The following GC variants were observed in gnomAD, a reference collection of about 807,000 sequenced individuals.
The protein encoded by GC is GC vitamin D binding protein, also known as vitamin D-binding protein.
In GC, 43 loss-of-function variants were observed where a neutral mutation model predicts 56.7. That is an observed-to-expected ratio of 0.76 (90% CI 0.59 to 0.98). GC has a LOEUF of 0.98. Among genes scored for constraint, GC ranks in the 50% least tolerant of loss-of-function variants. The pLI is 0.00. For missense variants in GC, 529 were observed against 545.9 expected, an observed-to-expected ratio of 0.97 and a Z score of 0.31; for synonymous variants, 216 against 202.7, an observed-to-expected ratio of 1.07 and a Z score of -0.56.
chr4:71,770,161 C>A (rs991628267), intron 1 of GC, among the ~76,000 whole-genome samples: 4 of 152,110 alleles, frequency 2.6e-5, no homozygotes, highest in African/African-American at 9.7e-5. Flanking sequence ...CTGATTCAGG[C>A]TGGAGAAATC....
At chr4:71,778,891 G>GTTATTGTTATTAT (rs71213587) in intron 1 of GC, among the ~76,000 whole-genome samples, 1 of 143,318 alleles carries the variant, frequency 7.0e-6, no homozygotes, top group African/African-American at 2.6e-5. Context: ...ATTGCTGTCA[G>GTTATTGTTATTAT]TTATTATTAT....
In GC at chr4:71,760,953, C is replaced by T. The variant is rs564895919; in HGVS notation, c.701+2455G>A. On this transcript the variant is annotated intron_variant, in intron 6 of 12. Transcript: ENST00000273951. Reference sequence around the variant, plus strand: ...TGCCCAGTCTCAGGTATGTCTTTATCAGCAGCATGAAAACAGATTAATACA... The same window carrying T: ...TGCCCAGTCTCAGGTATGTCTTTATTAGCAGCATGAAAACAGATTAATACA... Among the ~76,000 whole-genome samples, 6 of 152,256 alleles carry T rather than the reference C, an allele frequency of 3.9e-5. No homozygotes were observed. The South Asian group carries it at 1.2e-3, about 32-fold the overall frequency.
At chr4:71,755,414 C>T (rs996624916) in intron 8 of GC, among the ~76,000 whole-genome samples, 8 of 152,010 alleles carry the variant, frequency 5.3e-5, no homozygotes, top group East Asian at 1.9e-4. Context: ...TCGCCTGACT[C>T]GGCCTGCCAA....
chr4:71,761,183 G>A (rs1041156802), intron 6 of GC, among the ~76,000 whole-genome samples: 1 of 152,176 alleles, frequency 6.6e-6, no homozygotes. Flanking sequence ...ATAAGGTCCA[G>A]GCTAAGGTGG....
intron 1 of GC, among the ~76,000 whole-genome samples, chr4:71,782,588 GCT>G (rs1742718292): frequency 6.6e-6 from 1 of 151,804 alleles, no homozygotes; most frequent in Non-Finnish European, 1.5e-5. Context: ...ATTGCAGAAT[GCT>G]CTGTTATTCT....
In GC at chr4:71,758,125, C is replaced by T. The variant is rs771823776; in HGVS notation, c.748G>A (p.Asp250Asn). 2 of 1,613,366 alleles carry T rather than the reference C, an allele frequency of 1.2e-6. No individual in the cohort carries two copies. Among genetic ancestry groups the T allele is most frequent in the Non-Finnish European group, 1.7e-6 (2 of 1,179,420 alleles). Residue 250 changes from aspartate to asparagine, a missense_variant, in exon 7 of 13, where the codon GAT becomes AAT. Transcript: ENST00000273951. ...AQKVPTADLE[D>N]VLPLAEDITN... ...ATATCTTCAGCTAGTGGCAAAACAT[C>T]CTCCAGATCAGCAGTAGGCACTTTT...
intron 6 of GC, among the ~76,000 whole-genome samples, 156 bp downstream of exon 6, chr4:71,763,251 AG>A (rs1560697972): frequency 1.3e-5 from 2 of 152,310 alleles, no homozygotes; most frequent in East Asian, 1.9e-4. Flanking sequence ...TATAGAGAAA[AG>A]AAAACGAGAA....
chr4:71,795,504 G>T (rs899278483), intron 1 of GC, among the ~76,000 whole-genome samples: 125 of 152,090 alleles, frequency 8.2e-4, no homozygotes, highest in African/African-American at 2.8e-3. Flanking sequence ...CTTTCCATTT[G>T]CTTGGTAGAT....
chr4:71,753,599 A>T (rs1373258343), intron 10 of GC, among the ~76,000 whole-genome samples: 1 of 152,036 alleles, frequency 6.6e-6, no homozygotes, highest in African/African-American at 2.4e-5. Flanking sequence ...ACCCAGTACC[A>T]CTTCTTACCT....
At chr4:71,803,376 T>A (rs1423944918) in intron 1 of GC, among the ~76,000 whole-genome samples, 1 of 152,184 alleles carries the variant, frequency 6.6e-6, no homozygotes, top group African/African-American at 2.4e-5. Flanking sequence ...CTCTGTTGAT[T>A]CCCTGGTAGT....
chr4:71,768,261 C>T (rs1742221594), intron 3 of GC, 40 bp downstream of exon 3: 1 of 1,531,082 alleles, frequency 6.5e-7, no homozygotes, highest in African/African-American at 1.4e-5. Context: ...TGGCTTCCTT[C>T]TCTGGGCTGC....
At chr4:71,786,465 T>A (rs1350202786), upstream of GC, among the ~76,000 whole-genome samples, 1 of 151,808 alleles carries the variant, frequency 6.6e-6, no homozygotes, top group Non-Finnish European at 1.5e-5. Context: ...CAACTAGAAA[T>A]GTATCACTGA....
At chr4:71,770,156 T>C (rs958858494) in intron 1 of GC, among the ~76,000 whole-genome samples, 4 of 152,164 alleles carry the variant, frequency 2.6e-5, no homozygotes, top group African/African-American at 9.6e-5. Flanking sequence ...GGTGTCTGAT[T>C]CAGGCTGGAG....
intron 6 of GC, chr4:71,759,484 G>A (rs939222647): frequency 3.3e-5 from 5 of 152,056 alleles, no homozygotes; most frequent in South Asian, 2.1e-4. Context: ...ATCCTAATGG[G>A]TATAAGGTGA....
At chr4:71,784,202 C>A, upstream of GC, 1 of 1,284,296 alleles carries the variant, frequency 7.8e-7, no homozygotes, top group Non-Finnish European at 9.9e-7. Context: ...ATCTTTGGCC[C>A]AAAAGAGATA....
intron 1 of GC, among the ~76,000 whole-genome samples, chr4:71,770,935 C>A (rs1217589385): frequency 6.6e-6 from 1 of 152,120 alleles, no homozygotes; most frequent in Admixed American, 6.6e-5. Flanking sequence ...CATGAGACCC[C>A]CTTGTTCAAC....
At position 71,741,759 on chromosome 4, in the gene GC, A is replaced by T; in HGVS notation, c.*137T>A. ...TCATCATACTTGTCATTGTATGAAG[A>T]TATTGTAGCTAGAAAAAGTAGAAAG... On this transcript the variant is annotated 3_prime_UTR_variant, in exon 13 of 13. Coordinates refer to ENST00000273951, the MANE Select transcript of GC (RefSeq NM_000583.4). The T allele has an allele frequency of 1.4e-6, 1 of 696,120 alleles. No individual in the cohort carries two copies. The highest frequency in any genetic ancestry group is 2.6e-6 in the Non-Finnish European group (1 of 383,124). The allele number at this position is 696,120 out of a possible 1,614,324, so 43.1% of individuals were successfully genotyped here.
chr4:71,803,747 TA>T (rs1267722721), intron 1 of GC, among the ~76,000 whole-genome samples: 1 of 152,220 alleles, frequency 6.6e-6, no homozygotes, highest in African/African-American at 2.4e-5. Flanking sequence ...ACAGTTCTCA[TA>T]CACATCAATA....
chr4:71,744,752 T>A (rs1560687243), intron 12 of GC, among the ~76,000 whole-genome samples: 1 of 152,202 alleles, frequency 6.6e-6, no homozygotes, highest in Non-Finnish European at 1.5e-5. Flanking sequence ...GTGAGGTCAC[T>A]GTTGCATATT....
Sources: gnomAD v4.1 joint callset for allele counts (sites outside exome capture counted in the v4.1 genomes callset) on GRCh38, gnomAD v4.1.1 for gene constraint, MANE v1.5 for transcripts, NCBI Gene and HGNC (gene_info 2026-07-23, HGNC 2026-07-21) for gene names.